Variants in MACROD2 observed in about 807,000 individuals in gnomAD.
MACROD2 encodes ADP-ribose glycohydrolase MACROD2.
MACROD2 carries 36 observed loss-of-function variants against 70.4 expected under a neutral mutation model. The ratio of observed to expected loss-of-function variants is 0.51; its 90% confidence interval spans 0.39 to 0.68. The LOEUF is 0.68. Among genes scored for constraint, MACROD2 ranks in the 30% least tolerant of loss-of-function variants. The pLI, the probability that MACROD2 is intolerant of heterozygous loss-of-function variation, is 0.00. For synonymous variants in MACROD2, 172 were observed against 178.8 expected (o/e 0.96, Z 0.30); for missense variants, 496 against 538.4 (o/e 0.92, Z 0.78).
chr20:15,277,234 T>C (rs1463824145), intron 6 of MACROD2, among the ~76,000 whole-genome samples: 1 of 152,212 alleles, frequency 6.6e-6, no homozygotes, highest in African/African-American at 2.4e-5. Flanking sequence ...TTTCTTCCTA[T>C]ATGATTCATT....
At chr20:14,224,515 G>C (rs948695489) in intron 3 of MACROD2, among the ~76,000 whole-genome samples, 3 of 152,132 alleles carry the variant, frequency 2.0e-5, no homozygotes, top group Non-Finnish European at 4.4e-5. Context: ...TTGGCCTACA[G>C]ACTGCTGAAC....
intron 5 of MACROD2, among the ~76,000 whole-genome samples, chr20:14,701,467 A>T (rs2071195578): frequency 6.6e-6 from 1 of 152,152 alleles, no homozygotes; most frequent in Non-Finnish European, 1.5e-5. Flanking sequence ...ATGCCACTTG[A>T]CTGAAAGTCC....
intron 7 of MACROD2, among the ~76,000 whole-genome samples, chr20:15,484,063 T>TTTTA (rs60738802): frequency 0.029 from 4,309 of 150,068 alleles, 206 homozygotes; most frequent in African/African-American, 0.095. Context: ...TTTTATTTTA[T>TTTTA]TTTATTTTAT....
At chr20:14,328,051 G>A (rs913399566) in intron 3 of MACROD2, among the ~76,000 whole-genome samples, 3 of 151,948 alleles carry the variant, frequency 2.0e-5, no homozygotes, top group African/African-American at 7.2e-5. Flanking sequence ...GTAGAAAAAT[G>A]TCATAAAAAT....
At chr20:15,779,918 A>G (rs573347669) in intron 8 of MACROD2, among the ~76,000 whole-genome samples, 32 of 152,150 alleles carry the variant, frequency 2.1e-4, no homozygotes, top group Non-Finnish European at 4.3e-4. Context: ...CTGCTGTGCC[A>G]TTCTTGTATG....
chr20:15,384,516 T>C (rs73107052), intron 6 of MACROD2, among the ~76,000 whole-genome samples: 6,651 of 152,254 alleles, frequency 0.044, 184 homozygotes, highest in Middle Eastern at 0.11. Context: ...TGAAACCTCG[T>C]AAGTGTGAAG....
At chr20:14,933,015 T>C (rs1029321108) in intron 5 of MACROD2, among the ~76,000 whole-genome samples, 2 of 152,180 alleles carry the variant, frequency 1.3e-5, no homozygotes, top group Non-Finnish European at 2.9e-5. Flanking sequence ...GTTGAGATTT[T>C]TAAATAAGTA....
At chr20:15,892,042 A>G (rs1194812627) in intron 10 of MACROD2, among the ~76,000 whole-genome samples, 1 of 152,130 alleles carries the variant, frequency 6.6e-6, no homozygotes, top group South Asian at 2.1e-4. Flanking sequence ...AGCTCATGAA[A>G]ACCACCAGGT....
At chr20:14,762,940 C>A (rs2072036600) in intron 5 of MACROD2, among the ~76,000 whole-genome samples, 1 of 151,792 alleles carries the variant, frequency 6.6e-6, no homozygotes, top group Non-Finnish European at 1.5e-5. Flanking sequence ...AAAAAACAAA[C>A]AAACAAACAA....
intron 3 of MACROD2, among the ~76,000 whole-genome samples, chr20:14,095,097 A>G (rs1235969419): frequency 1.3e-5 from 2 of 152,144 alleles, no homozygotes; most frequent in Admixed American, 6.5e-5. Context: ...CATCCTTCCA[A>G]TCTTGAATGA....
rs1381566710 is a variant in MACROD2, at chr20:15,000,609, G to C, written c.419-229331G>C. Among the ~76,000 whole-genome samples the C allele has an allele frequency of 1.1e-4, 10 of 93,734 alleles. No homozygotes were observed. In the East Asian group the frequency reaches 3.2e-3, roughly 30 times the overall value. The allele number at this position is 93,734 out of a possible 152,430, so 61.5% of individuals were successfully genotyped here. ...CTGCAGTCCGCAGTCCGGCCTGGGC[G>C]ACAGAGCGAGACTCCGTCTCAAAAA... On this transcript the variant is annotated intron_variant, in intron 5 of 17. Coordinates refer to ENST00000684519, the MANE Select transcript of MACROD2 (RefSeq NM_001351661.2).
intron 8 of MACROD2, among the ~76,000 whole-genome samples, chr20:15,599,254 T>C (rs1486774269): frequency 1.3e-5 from 2 of 149,748 alleles, no homozygotes; most frequent in Non-Finnish European, 3.0e-5. Flanking sequence ...TAGCCGGGCA[T>C]GGTGGAGCAC....
intron 8 of MACROD2, among the ~76,000 whole-genome samples, chr20:15,575,295 A>G (rs1854181608): frequency 6.6e-6 from 1 of 152,210 alleles, no homozygotes; most frequent in African/African-American, 2.4e-5. Context: ...CTGATAACAC[A>G]AGGCACATGT....
intron 3 of MACROD2, among the ~76,000 whole-genome samples, chr20:14,258,792 C>T (rs182421208): frequency 5.9e-5 from 9 of 152,022 alleles, no homozygotes; most frequent in Admixed American, 2.6e-4. Flanking sequence ...CCTAAGCCAA[C>T]GTCTAGAAGA....
intron 8 of MACROD2, among the ~76,000 whole-genome samples, chr20:15,613,186 C>G (rs1300503263): frequency 6.6e-6 from 1 of 152,200 alleles, no homozygotes; most frequent in East Asian, 1.9e-4. Context: ...TTGAACTCTT[C>G]ATGTTGATAG....
At chr20:15,486,997 G>GGC (rs1156788108) in intron 7 of MACROD2, among the ~76,000 whole-genome samples, 1 of 152,160 alleles carries the variant, frequency 6.6e-6, no homozygotes, top group Non-Finnish European at 1.5e-5. Context: ...GCTTCTGCTG[G>GGC]GCACAGGTCT....
intron 10 of MACROD2, among the ~76,000 whole-genome samples, chr20:15,903,488 G>T (rs563731564): frequency 1.3e-5 from 2 of 152,134 alleles, no homozygotes; most frequent in Non-Finnish European, 2.9e-5. Flanking sequence ...AGAGGGGTGG[G>T]TTCCGCACTA....
At chr20:15,469,592 C>A (rs896655829) in intron 7 of MACROD2, among the ~76,000 whole-genome samples, 5 of 152,192 alleles carry the variant, frequency 3.3e-5, no homozygotes, top group African/African-American at 1.2e-4. Flanking sequence ...GGAGAGAAAT[C>A]CAAGTAAGGA....
chr20:14,701,506 T>C (rs1412775984), intron 5 of MACROD2, among the ~76,000 whole-genome samples: 3 of 152,214 alleles, frequency 2.0e-5, no homozygotes, highest in Non-Finnish European at 1.5e-5. Flanking sequence ...TAAATCCTTC[T>C]AGCTGAGGCC....
Sources: allele counts gnomAD v4.1 joint callset (sites outside exome capture counted in the v4.1 genomes callset), GRCh38; gene constraint gnomAD v4.1.1; transcripts MANE v1.5; gene names NCBI Gene and HGNC (gene_info 2026-07-23, HGNC 2026-07-21).